The following INPP4A variants were observed in gnomAD, a reference collection of about 807,000 sequenced individuals.
The protein encoded by INPP4A is inositol polyphosphate-4-phosphatase, type I, 107kD.
INPP4A carries 33 observed loss-of-function variants against 119.8 expected under a neutral mutation model. The observed-to-expected ratio is 0.28, with a 90% CI of 0.21 to 0.37. INPP4A has a LOEUF of 0.37. INPP4A is among the 10% of genes least tolerant of loss of function. The pLI is 1.00. For synonymous variants in INPP4A, 496 were observed against 500.7 expected (o/e 0.99, Z 0.12); for missense variants, 956 against 1,289.9 (o/e 0.74, Z 3.97).
At chr2:98,551,174 T>A (rs183579517) in intron 13 of INPP4A, among the ~76,000 whole-genome samples, 1 of 152,312 alleles carries the variant, frequency 6.6e-6, no homozygotes, top group East Asian at 1.9e-4. Flanking sequence ...CAGGCTGATC[T>A]TGAACTCCCA....
intron 24 of INPP4A, 84 bp downstream of exon 24, chr2:98,577,227 A>C (rs970248605): frequency 1.4e-6 from 2 of 1,420,834 alleles, no homozygotes; most frequent in Admixed American, 2.3e-5. Flanking sequence ...TCCTGCCTGC[A>C]GGGCCTACCC....
At chr2:98,538,051 T>C (rs1690661387) in intron 8 of INPP4A, 77 bp downstream of exon 8, 7 of 966,450 alleles carry the variant, frequency 7.2e-6, no homozygotes, top group African/African-American at 1.6e-5. Context: ...CCTCGTGGAC[T>C]TAGCCTCTGT....
chr2:98,535,644 A>G, intron 5 of INPP4A, 85 bp from the exon 6 acceptor site: 1 of 670,770 alleles, frequency 1.5e-6, no homozygotes. Flanking sequence ...TTAGTTTCTC[A>G]TTCTGAAAAT....
At chr2:98,505,796 A>G (rs1346777953) in intron 1 of INPP4A, among the ~76,000 whole-genome samples, 1 of 152,182 alleles carries the variant, frequency 6.6e-6, no homozygotes, top group African/African-American at 2.4e-5. Context: ...TTATTTCTGT[A>G]CAATATTTAT....
chr2:98,520,368 A>G (rs575265432), intron 3 of INPP4A, among the ~76,000 whole-genome samples: 3 of 152,224 alleles, frequency 2.0e-5, no homozygotes, highest in Admixed American at 2.0e-4. Flanking sequence ...GCCTGACTAC[A>G]TTAGTTTTCC....
At chr2:98,465,042 C>T (rs909612923) in intron 1 of INPP4A, among the ~76,000 whole-genome samples, 9 of 152,204 alleles carry the variant, frequency 5.9e-5, no homozygotes, top group Admixed American at 3.3e-4. Context: ...GTTCCTACCA[C>T]GTGCCAGATA....
At chr2:98,563,396 GTTAAA>G in intron 17 of INPP4A, 64 bp from the exon 18 acceptor site, 1 of 1,452,282 alleles carries the variant, frequency 6.9e-7, no homozygotes, top group Non-Finnish European at 9.4e-7. Context: ...CAGGTGACTT[GTTAAA>G]TTGCCAGAAC....
Position 98,570,381 on chromosome 2 carries a change from A to C in INPP4A, c.2518+1713A>C, listed in dbSNP as rs1285032959. Among the ~76,000 whole-genome samples, 2 of 152,316 alleles carry C rather than the reference A, an allele frequency of 1.3e-5. No homozygotes were observed. On this transcript the variant is annotated intron_variant, in intron 22 of 24. Transcript: ENST00000409851. The surrounding 1 kb of genome is among the most constrained non-coding windows in gnomAD (Gnocchi z 4.3). ...GCGAGAGAGAGCATCACAGGCTAGC[A>C]GGAAGAAGGCAGGAGCCAGGAGGGT...
intron 4 of INPP4A, among the ~76,000 whole-genome samples, chr2:98,531,468 G>A (rs2105895811): frequency 6.6e-6 from 1 of 152,230 alleles, no homozygotes; most frequent in East Asian, 1.9e-4. Context: ...ACAGAAAAGG[G>A]TCAGAAGCAA....
At chr2:98,445,281 C>T (rs1693997618) in intron 1 of INPP4A, among the ~76,000 whole-genome samples, 196 bp downstream of exon 1, 1 of 150,774 alleles carries the variant, frequency 6.6e-6, no homozygotes, top group Non-Finnish European at 1.5e-5. Context: ...ACAATCCGAG[C>T]CCGGCCGACC....
At chr2:98,494,616 G>C (rs1277137537) in intron 1 of INPP4A, among the ~76,000 whole-genome samples, 1 of 148,526 alleles carries the variant, frequency 6.7e-6, no homozygotes, top group Non-Finnish European at 1.5e-5. Flanking sequence ...TCAAGCCTAA[G>C]GGTGTTCTAA....
chr2:98,564,821 C>A (rs1486897741), intron 19 of INPP4A, 58 bp downstream of exon 19: 13 of 1,505,124 alleles, frequency 8.6e-6, no homozygotes, highest in Non-Finnish European at 1.2e-5. Flanking sequence ...TCCATCCTTT[C>A]TTGCTAGGCA....
At chr2:98,504,817 T>C (rs998601778) in intron 1 of INPP4A, among the ~76,000 whole-genome samples, 28 of 152,254 alleles carry the variant, frequency 1.8e-4, no homozygotes, top group African/African-American at 6.3e-4. Flanking sequence ...TTTCAACTTA[T>C]TATCAGTTCT....
At chr2:98,473,595 G>C in intron 1 of INPP4A, among the ~76,000 whole-genome samples, 1 of 152,142 alleles carries the variant, frequency 6.6e-6, no homozygotes. Context: ...TGGCCATGAT[G>C]GGTTACAATG....
intron 18 of INPP4A, 104 bp downstream of exon 18, chr2:98,563,741 G>C (rs1486419759): frequency 8.8e-7 from 1 of 1,139,348 alleles, no homozygotes; most frequent in Non-Finnish European, 1.3e-6. Flanking sequence ...AAAGACCCCA[G>C]ATGGCCATAT....
intron 24 of INPP4A, among the ~76,000 whole-genome samples, chr2:98,586,261 C>T (rs1466251216): frequency 6.6e-6 from 1 of 151,926 alleles, no homozygotes; most frequent in Admixed American, 6.6e-5. Flanking sequence ...TACTGTCTTA[C>T]CAAAAGTATT....
rs748624053 is a variant in INPP4A at position 98,589,156 on chromosome 2, G to A, written c.*1548G>A. 10 of 178,510 alleles carry A rather than the reference G, an allele frequency of 5.6e-5. No homozygotes were observed. The highest frequency in any genetic ancestry group is 3.2e-4 in the Admixed American group (5 of 15,854). The allele number at this position is 178,510 out of a possible 1,614,324, so 11.1% of individuals were successfully genotyped here. On this transcript the variant is annotated 3_prime_UTR_variant, in exon 25 of 25. Coordinates refer to ENST00000409851, the MANE Select transcript of INPP4A (RefSeq NM_001134225.2). The stretch of plus-strand genomic sequence containing the variant: ...AAATGTCTGTGAAGGACACTTTAAT[G>A]AAGGACGAAGCTCTCTGCTGCTCCC...
chr2:98,447,814 G>A (rs773682971), intron 1 of INPP4A, among the ~76,000 whole-genome samples: 1 of 152,034 alleles, frequency 6.6e-6, no homozygotes, highest in Non-Finnish European at 1.5e-5. Flanking sequence ...TTGGGAGGCC[G>A]AGGCGGGCGG....
intron 17 of INPP4A, 28 bp from the exon 18 acceptor site, chr2:98,563,437 T>C: frequency 1.3e-6 from 2 of 1,598,016 alleles, no homozygotes; most frequent in Non-Finnish European, 1.7e-6. Flanking sequence ...TCTCTCTCAT[T>C]GTGATGACCC....
Sources: allele counts gnomAD v4.1 joint callset (sites outside exome capture counted in the v4.1 genomes callset), GRCh38; gene constraint gnomAD v4.1.1; non-coding constraint Gnocchi (gnomAD v3.1); transcripts MANE v1.5; gene names NCBI Gene and HGNC (gene_info 2026-07-23, HGNC 2026-07-21).